Variants in CDH12 observed in about 807,000 individuals in gnomAD.
CDH12 encodes cadherin-12.
CDH12 carries 41 observed loss-of-function variants against 74.1 expected under a neutral mutation model. The observed-to-expected ratio is 0.55, with a 90% confidence interval of 0.43 to 0.72. The LOEUF (loss-of-function observed/expected upper bound fraction) is 0.72. Among genes scored for constraint, CDH12 ranks in the 30% least tolerant of loss-of-function variants. CDH12 has a pLI of 0.00. For missense variants in CDH12, 945 were observed against 977.2 expected (o/e 0.97, Z 0.44); for synonymous variants, 399 against 355.0 (o/e 1.12, Z -1.39).
At chr5:22,822,657 G>A (rs1269065640) in intron 1 of CDH12, among the ~76,000 whole-genome samples, 4 of 152,176 alleles carry the variant, frequency 2.6e-5, no homozygotes, top group Admixed American at 2.6e-4. Flanking sequence ...TGCTATCAGA[G>A]AAATGTAAAT....
intron 1 of CDH12, among the ~76,000 whole-genome samples, chr5:22,844,431 C>T (rs1737212630): frequency 6.6e-6 from 1 of 152,050 alleles, no homozygotes. Flanking sequence ...ATGAATAGGT[C>T]ATTGCCTGCT....
chr5:21,783,253 C>CA, intron 11 of CDH12, 105 bp downstream of exon 11: 1 of 989,722 alleles, frequency 1.0e-6, no homozygotes, highest in Admixed American at 2.3e-5. Flanking sequence ...CGAGACCACT[C>CA]AGCTGTCAGT....
At chr5:22,796,199 T>A (rs1748199947) in intron 1 of CDH12, among the ~76,000 whole-genome samples, 1 of 152,200 alleles carries the variant, frequency 6.6e-6, no homozygotes, top group South Asian at 2.1e-4. Flanking sequence ...TTTCTTTGGA[T>A]ATATACCCCA....
chr5:21,898,833 A>C (rs1273652475), intron 6 of CDH12, among the ~76,000 whole-genome samples: 2 of 152,176 alleles, frequency 1.3e-5, no homozygotes, highest in Non-Finnish European at 2.9e-5. Context: ...TGTAATCATG[A>C]AGAAAGGAGA....
intron 7 of CDH12, among the ~76,000 whole-genome samples, chr5:21,846,482 C>G (rs144955177): frequency 0.023 from 3,548 of 152,228 alleles, 52 homozygotes; most frequent in Middle Eastern, 0.037. Flanking sequence ...TTCTGTTTCC[C>G]TGTTCTTAAT....
intron 1 of CDH12, among the ~76,000 whole-genome samples, chr5:22,574,073 CTTTTTTTTTTTT>C (rs543910610): frequency 5.7e-5 from 5 of 87,442 alleles, no homozygotes; most frequent in Admixed American, 1.5e-4. Flanking sequence ...GTCTCTCTCT[CTTTTTTTTTTTT>C]TTTTTTTTTT....
chr5:22,094,086 G>A (rs1234793645), intron 4 of CDH12, among the ~76,000 whole-genome samples: 3 of 152,080 alleles, frequency 2.0e-5, no homozygotes, highest in African/African-American at 4.8e-5. Context: ...GCTGGAAATC[G>A]CCCACATTTG....
chr5:22,109,883 A>G (rs1320894506), intron 4 of CDH12, among the ~76,000 whole-genome samples: 2 of 152,178 alleles, frequency 1.3e-5, no homozygotes, highest in African/African-American at 4.8e-5. Context: ...TTTACCTGGC[A>G]CAGAAAGAAG....
intron 1 of CDH12, among the ~76,000 whole-genome samples, chr5:22,591,815 C>T (rs1328899918): frequency 6.6e-6 from 1 of 152,150 alleles, no homozygotes; most frequent in Admixed American, 6.5e-5. Flanking sequence ...CCAGGATATA[C>T]AGTTTTTAAA....
intron 4 of CDH12, among the ~76,000 whole-genome samples, chr5:22,116,616 A>G (rs1469904117): frequency 2.0e-5 from 3 of 151,972 alleles, no homozygotes; most frequent in Non-Finnish European, 4.4e-5. Flanking sequence ...AAGAAAAAAA[A>G]AAAAACAATC....
intron 1 of CDH12, among the ~76,000 whole-genome samples, chr5:22,817,533 A>G (rs1749452554): frequency 6.6e-6 from 1 of 152,130 alleles, no homozygotes; most frequent in South Asian, 2.1e-4. Flanking sequence ...GTGTATTTAT[A>G]ACTGATAATT....
At chr5:22,096,287 T>C (rs1302176784) in intron 4 of CDH12, among the ~76,000 whole-genome samples, 2 of 152,108 alleles carry the variant, frequency 1.3e-5, no homozygotes, top group Non-Finnish European at 2.9e-5. Context: ...ATCTAAATAA[T>C]TCTTGTCGTA....
At chr5:22,641,247 C>T (rs189300920) in intron 1 of CDH12, among the ~76,000 whole-genome samples, 6 of 152,226 alleles carry the variant, frequency 3.9e-5, no homozygotes, top group Non-Finnish European at 7.4e-5. Context: ...GATGGTGTGC[C>T]TTTCAGTCCA....
chr5:21,789,868 T>C (rs528094916), intron 10 of CDH12, among the ~76,000 whole-genome samples: 1 of 152,270 alleles, frequency 6.6e-6, no homozygotes, highest in African/African-American at 2.4e-5. Flanking sequence ...GCTTTGTTCA[T>C]CTCTGTGTTG....
intron 6 of CDH12, among the ~76,000 whole-genome samples, chr5:21,887,010 T>C (rs1752667918): frequency 6.6e-6 from 1 of 152,128 alleles, no homozygotes; most frequent in African/African-American, 2.4e-5. Context: ...TCAACATGTG[T>C]TGTGATATGA....
rs561845405 is a variant in CDH12 at position 22,800,880 on chromosome 5, T to C, written c.-523+52178A>G. ...TGTCTTTTCACGGCTCGATAGATTA[T>C]ATTTTTTAGCATTGAATACTATTCC... On this transcript the variant is annotated intron_variant, in intron 1 of 14. Transcript: ENST00000382254. Among the ~76,000 whole-genome samples the C allele has an allele frequency of 3.9e-5, 6 of 152,332 alleles. 1 individual carries two copies. The East Asian group carries it at 1.2e-3, about 29-fold the overall frequency.
chr5:22,348,944 C>T (rs1561333764), intron 3 of CDH12, among the ~76,000 whole-genome samples: 1 of 152,072 alleles, frequency 6.6e-6, no homozygotes, highest in Non-Finnish European at 1.5e-5. Context: ...TTGTGTCCCC[C>T]CAAAATTCAT....
chr5:22,308,581 C>T (rs1738228446), intron 3 of CDH12, among the ~76,000 whole-genome samples: 1 of 151,962 alleles, frequency 6.6e-6, no homozygotes, highest in Non-Finnish European at 1.5e-5. Context: ...CACTAAAAAC[C>T]ATTTAATTGT....
chr5:22,703,255 C>T (rs1208035367), intron 1 of CDH12, among the ~76,000 whole-genome samples: 1 of 152,116 alleles, frequency 6.6e-6, no homozygotes, highest in East Asian at 1.9e-4. Flanking sequence ...CTTCAGATAT[C>T]CTTTCCTCAA....
Sources: allele counts gnomAD v4.1 joint callset (sites outside exome capture counted in the v4.1 genomes callset), GRCh38; gene constraint gnomAD v4.1.1; transcripts MANE v1.5; gene names NCBI Gene and HGNC (gene_info 2026-07-23, HGNC 2026-07-21).